ZNF423: variants seen among roughly 807,000 people sequenced by gnomAD.
ZNF423 encodes the protein zinc finger protein 423, also known as Ebf-associated zinc finger protein.
ZNF423 carries 12 observed loss-of-function variants against 95.8 expected under a neutral mutation model. The ratio of observed to expected loss-of-function variants is 0.13; its 90% CI spans 0.08 to 0.20. The LOEUF is 0.20. Ranked by LOEUF, ZNF423 falls within the 10% of genes least tolerant of loss-of-function variation. The pLI is 1.00. For synonymous variants in ZNF423, 749 were observed against 711.9 expected (o/e 1.05, Z -0.83); for missense variants, 1,316 against 1,737.1 (o/e 0.76, Z 4.31).
At chr16:49,715,143 G>C (rs929831119) in intron 3 of ZNF423, among the ~76,000 whole-genome samples, 1 of 152,238 alleles carries the variant, frequency 6.6e-6, no homozygotes, top group African/African-American at 2.4e-5. Flanking sequence ...AGGCATGAGG[G>C]AGACAGCACA....
At chr16:49,695,185 C>T (rs2031922660) in intron 3 of ZNF423, among the ~76,000 whole-genome samples, 1 of 152,248 alleles carries the variant, frequency 6.6e-6, no homozygotes, top group Admixed American at 6.5e-5. Flanking sequence ...GCGATCTGGG[C>T]TCACTGAAGC....
In ZNF423 at chr16:49,671,692, A is replaced by T. The variant is rs181908937; in HGVS notation, c.302-32818T>A. 1.9e-4 allele frequency among the ~76,000 whole-genome samples: 29 copies of T among 151,266 alleles called. No homozygotes were observed. In the East Asian group the frequency reaches 2.9e-3, roughly 15 times the overall value. On this transcript the variant is annotated intron_variant, in intron 3 of 7. Coordinates refer to ENST00000563137, the MANE Select transcript of ZNF423 (RefSeq NM_001379286.1). ...CGTTTTATTTTATTTTTTATTTATT[A>T]TTTTTTTTTGAGGCGGAGTCTCACT...
chr16:49,590,610 T>A (rs1157832810), intron 5 of ZNF423, among the ~76,000 whole-genome samples: 1 of 152,012 alleles, frequency 6.6e-6, no homozygotes, highest in Non-Finnish European at 1.5e-5. Flanking sequence ...TGGGAAGCCG[T>A]TCCCCCAGCC....
chr16:49,743,787 T>C (rs1161058970), intron 2 of ZNF423, among the ~76,000 whole-genome samples: 1 of 151,992 alleles, frequency 6.6e-6, no homozygotes, highest in African/African-American at 2.4e-5. Flanking sequence ...CCCCTCTCCC[T>C]CCAGTCGCAG....
intron 5 of ZNF423, among the ~76,000 whole-genome samples, chr16:49,580,762 A>G (rs1262546496): frequency 6.6e-6 from 1 of 152,132 alleles, no homozygotes; most frequent in Non-Finnish European, 1.5e-5. Flanking sequence ...TCGAGGGTAG[A>G]AAAGTTTCAC....
intron 3 of ZNF423, among the ~76,000 whole-genome samples, chr16:49,702,399 C>T (rs2032210588): frequency 6.6e-6 from 1 of 152,222 alleles, no homozygotes; most frequent in African/African-American, 2.4e-5. Context: ...GTGGGCCAGC[C>T]CCATCCTCGC....
intron 7 of ZNF423, among the ~76,000 whole-genome samples, chr16:49,517,536 G>GC (rs2151694174): frequency 6.6e-6 from 1 of 152,304 alleles, no homozygotes; most frequent in South Asian, 2.1e-4. Context: ...GTGAGCGTGG[G>GC]CAGGTGTATA....
intron 5 of ZNF423, among the ~76,000 whole-genome samples, chr16:49,569,704 C>G (rs926488988): frequency 6.6e-6 from 1 of 152,136 alleles, no homozygotes; most frequent in African/African-American, 2.4e-5. Context: ...TGTGGTGTAT[C>G]CCTAGCCTAA....
intron 3 of ZNF423, among the ~76,000 whole-genome samples, chr16:49,642,797 TTTTC>T (rs1296887136): frequency 9.7e-6 from 1 of 103,296 alleles, no homozygotes; most frequent in Non-Finnish European, 1.9e-5. Flanking sequence ...AGCGGTTCTC[TTTTC>T]TTTTTTTTTT....
In ZNF423 at chr16:49,631,939, C is replaced by A. The variant is rs1384173688; in HGVS notation, c.3516+3721G>T. Among the ~76,000 whole-genome samples the A allele has an allele frequency of 2.0e-5, 3 of 152,330 alleles. No homozygotes were observed. The East Asian group carries it at 5.8e-4, about 29-fold the overall frequency. ...TGGAATTCGATGCCCACTGTCTGAG[C>A]TGCCATTCTCAGCTCCATGTCCCAG... On this transcript the variant is annotated intron_variant, in intron 4 of 7. Transcript: ENST00000563137.
chr16:49,657,375 C>T (rs1184115864), intron 3 of ZNF423, among the ~76,000 whole-genome samples: 1 of 152,204 alleles, frequency 6.6e-6, no homozygotes, highest in Non-Finnish European at 1.5e-5. Context: ...GAGCTTGGTC[C>T]AATTTTATGG....
intron 4 of ZNF423, among the ~76,000 whole-genome samples, chr16:49,631,453 C>A (rs1263339489): frequency 6.6e-6 from 1 of 151,958 alleles, no homozygotes; most frequent in Non-Finnish European, 1.5e-5. Context: ...GCAGCTTCAG[C>A]CCCCACTAGG....
At chr16:49,586,940 G>A (rs112263196) in intron 5 of ZNF423, among the ~76,000 whole-genome samples, 1 of 152,154 alleles carries the variant, frequency 6.6e-6, no homozygotes, top group Non-Finnish European at 1.5e-5. Flanking sequence ...TTGGAGGAGG[G>A]GCAACCTCAT....
Position 49,689,893 on chromosome 16 carries a change from G to A in ZNF423, c.301+40878C>T, listed in dbSNP as rs566771274. On this transcript the variant is annotated intron_variant, in intron 3 of 7. Coordinates refer to ENST00000563137, the MANE Select transcript of ZNF423 (RefSeq NM_001379286.1). ...CTCACAAGTCCTGAAAGGCTCCCAG[G>A]CAGTGACCCAGCTCTGCCACCAGAT... Among the ~76,000 whole-genome samples the A allele has an allele frequency of 2.0e-5, 3 of 152,244 alleles. No individual in the cohort carries two copies. The South Asian group carries it at 6.2e-4, about 32-fold the overall frequency.
chr16:49,794,031 C>G (rs868017593), intron 1 of ZNF423, among the ~76,000 whole-genome samples: 1 of 145,298 alleles, frequency 6.9e-6, no homozygotes, highest in Non-Finnish European at 1.5e-5. Flanking sequence ...GTCTCTCTCT[C>G]TCTCTCTCTC....
chr16:49,726,366 A>G (rs2033014208), intron 3 of ZNF423, among the ~76,000 whole-genome samples: 1 of 152,018 alleles, frequency 6.6e-6, no homozygotes, highest in African/African-American at 2.4e-5. Flanking sequence ...CACATAAAAA[A>G]CCACCATCAC....
intron 7 of ZNF423, among the ~76,000 whole-genome samples, chr16:49,501,944 G>C (rs1035029895): frequency 9.2e-5 from 14 of 152,262 alleles, no homozygotes; most frequent in Non-Finnish European, 1.8e-4. Flanking sequence ...TCATGACCTG[G>C]GTGATGCATT....
chr16:49,580,664 T>C (rs1970641446), intron 5 of ZNF423, among the ~76,000 whole-genome samples: 1 of 152,230 alleles, frequency 6.6e-6, no homozygotes, highest in Admixed American at 6.5e-5. Context: ...TCCTTCTTAA[T>C]TCCTGATCAC....
At chr16:49,754,007 G>A (rs1353776492) in intron 2 of ZNF423, among the ~76,000 whole-genome samples, 2 of 151,346 alleles carry the variant, frequency 1.3e-5, no homozygotes, top group Non-Finnish European at 2.9e-5. Flanking sequence ...CTCCAGCCTG[G>A]GCGACAAGAG....
Sources: allele counts gnomAD v4.1 joint callset (sites outside exome capture counted in the v4.1 genomes callset), GRCh38; gene constraint gnomAD v4.1.1; transcripts MANE v1.5; gene names NCBI Gene and HGNC (gene_info 2026-07-23, HGNC 2026-07-21).